Variants in MEOX1 observed in about 807,000 individuals in gnomAD.
MEOX1 encodes the protein homeobox protein MOX-1.
Under a neutral mutation model 23.2 loss-of-function variants are expected in MEOX1, and 17 were observed. The ratio of observed to expected loss-of-function variants is 0.73; its 90% CI spans 0.50 to 1.10. The LOEUF (loss-of-function observed/expected upper bound fraction) is 1.10, where lower values mean the gene tolerates loss of function less well. Among genes scored for constraint, MEOX1 ranks in the 50% least tolerant of loss-of-function variants. The pLI, the probability that MEOX1 is intolerant of heterozygous loss-of-function variation, is 0.00. For synonymous variants in MEOX1, 134 were observed against 135.1 expected (o/e 0.99, Z 0.06); for missense variants, 333 against 332.2 (o/e 1.00, Z -0.02).
At chr17:43,646,609 G>A (rs898921818) in intron 1 of MEOX1, among the ~76,000 whole-genome samples, 1 of 86,764 alleles carries the variant, frequency 1.2e-5, no homozygotes, top group Non-Finnish European at 2.5e-5. Context: ...TCAAGAAATT[G>A]AGGAAATTTC....
At chr17:43,651,254 G>C (rs551755526) in intron 1 of MEOX1, among the ~76,000 whole-genome samples, 1 of 152,210 alleles carries the variant, frequency 6.6e-6, no homozygotes, top group Non-Finnish European at 1.5e-5. Flanking sequence ...GGGAGGCCGA[G>C]CTTGCAGGAA....
At chr17:43,647,147 C>T (rs1425314602) in intron 1 of MEOX1, among the ~76,000 whole-genome samples, 1 of 152,170 alleles carries the variant, frequency 6.6e-6, no homozygotes, top group Non-Finnish European at 1.5e-5. Flanking sequence ...ACACAGCGGC[C>T]TATGAGTGGA....
At chr17:43,659,616 C>T (rs1973103070) in intron 1 of MEOX1, among the ~76,000 whole-genome samples, 1 of 152,190 alleles carries the variant, frequency 6.6e-6, no homozygotes, top group Admixed American at 6.5e-5. Flanking sequence ...AGTGCTAAAA[C>T]TGGAAAAGTC....
Position 43,641,745 on chromosome 17 carries a change from A to C in MEOX1, c.*165T>G. The C allele has an allele frequency of 1.4e-6, 1 of 692,316 alleles. No individual in the cohort carries two copies. The highest frequency in any genetic ancestry group is 2.3e-6 in the Non-Finnish European group (1 of 427,812). 42.9% of individuals were successfully genotyped at this position (692,316 alleles called of 1,614,324 possible). ...AGAGGCTGGACAGAACTTCCTAGAA[A>C]ATCCTAAGACTCCCAGGAATGCTGG... On this transcript the variant is annotated 3_prime_UTR_variant, in exon 3 of 3. Coordinates refer to ENST00000318579, the MANE Select transcript of MEOX1 (RefSeq NM_004527.4).
At chr17:43,650,361 C>T (rs1332056390) in intron 1 of MEOX1, among the ~76,000 whole-genome samples, 1 of 152,170 alleles carries the variant, frequency 6.6e-6, no homozygotes, top group Non-Finnish European at 1.5e-5. Flanking sequence ...TTAGGAAGCT[C>T]TTTCCACCCT....
intron 1 of MEOX1, 133 bp downstream of exon 1, chr17:43,660,933 A>T: frequency 3.8e-6 from 2 of 528,188 alleles, no homozygotes; most frequent in Non-Finnish European, 6.5e-6. Context: ...CCCCAAAGGT[A>T]ACTGGTCCAG....
intron 1 of MEOX1, among the ~76,000 whole-genome samples, chr17:43,657,075 TTTC>T (rs1422935327): frequency 7.8e-6 from 1 of 128,154 alleles, no homozygotes; most frequent in African/African-American, 2.7e-5. Context: ...TCCTTCTTTC[TTTC>T]TTTTCTTTCT....
intron 1 of MEOX1, among the ~76,000 whole-genome samples, chr17:43,648,795 C>A (rs546417151): frequency 6.6e-6 from 1 of 152,206 alleles, no homozygotes; most frequent in Non-Finnish European, 1.5e-5. Flanking sequence ...GATCTGAGGT[C>A]TTGCTGTGTG....
In MEOX1 at chr17:43,645,760, C is replaced by T. The variant is rs146525259; in HGVS notation, c.470-2100G>A. On this transcript the variant is annotated intron_variant, in intron 1 of 2. Transcript: ENST00000318579. ...AGGCAGGAACCCCACATTAACCCGG[C>T]GATCCACTTTGGAGCTTTGAGCCTA... 2.1e-3 allele frequency among the ~76,000 whole-genome samples: 327 copies of T among 152,318 alleles called. 1 individual carries two copies. Among genetic ancestry groups the T allele is most frequent in the Middle Eastern group, 6.8e-3 (2 of 294 alleles).
chr17:43,656,565 C>A (rs527479748), intron 1 of MEOX1, among the ~76,000 whole-genome samples: 2 of 152,276 alleles, frequency 1.3e-5, no homozygotes, highest in East Asian at 3.9e-4. Context: ...TCTGGGAACA[C>A]ACGTGTTGGA....
intron 1 of MEOX1, among the ~76,000 whole-genome samples, chr17:43,650,003 G>T (rs932883931): frequency 1.3e-5 from 2 of 152,166 alleles, no homozygotes; most frequent in Non-Finnish European, 2.9e-5. Context: ...GCTACAGGGA[G>T]GTTCAGACAG....
chr17:43,661,060 A>G lies in MEOX1; in HGVS notation c.469+6T>C. The G allele has an allele frequency of 6.7e-7, 1 of 1,483,834 alleles. No individual in the cohort carries two copies. The highest frequency in any genetic ancestry group is 2.4e-5 in the East Asian group (1 of 41,822). 91.9% of individuals were successfully genotyped at this position (1,483,834 alleles called of 1,614,324 possible). A position where few individuals can be genotyped will look rare whatever the true frequency, so the allele number is the denominator to read the frequency against. On this transcript the variant is annotated splice_donor_region_variant and intron_variant, in intron 1 of 2. Coordinates refer to ENST00000318579, the MANE Select transcript of MEOX1 (RefSeq NM_004527.4). ...AGGAATGATCAGCTGCTCCTGAGCC[A>G]CCTACCTGAACTCTCCTTTCTCCGC...
intron 1 of MEOX1, among the ~76,000 whole-genome samples, chr17:43,649,561 C>A (rs527470195): frequency 6.6e-6 from 1 of 152,284 alleles, no homozygotes; most frequent in African/African-American, 2.4e-5. Flanking sequence ...CCTGCCTCGG[C>A]CTCCCAAAGT....
intron 1 of MEOX1, among the ~76,000 whole-genome samples, chr17:43,645,472 C>A (rs371144789): frequency 2.0e-5 from 3 of 152,158 alleles, no homozygotes; most frequent in Non-Finnish European, 4.4e-5. Flanking sequence ...CCACTGCGCC[C>A]GGTCCATTTT....
rs141244767 is a variant in MEOX1 at position 43,656,222 on chromosome 17, G to A, written c.469+4844C>T. Among the ~76,000 whole-genome samples the A allele has an allele frequency of 3.6e-3, 542 of 152,254 alleles. 3 individuals carry two copies. The highest frequency in any genetic ancestry group is 0.012 in the African/African-American group (519 of 41,536). ...AGAAGAACAAAAATATTCTTGGAAG[G>A]GGTTGTTTTTGAGCTGGGTGGTTTT... On this transcript the variant is annotated intron_variant, in intron 1 of 2. Transcript: ENST00000318579.
At chr17:43,643,433 G>A in intron 2 of MEOX1, 55 bp downstream of exon 2, 1 of 1,464,680 alleles carries the variant, frequency 6.8e-7, no homozygotes, top group Non-Finnish European at 9.2e-7. Context: ...TGGGAAAGGA[G>A]GGAAGGGAGG....
intron 1 of MEOX1, among the ~76,000 whole-genome samples, chr17:43,659,032 G>T (rs1973092314): frequency 6.6e-6 from 1 of 152,240 alleles, no homozygotes; most frequent in Non-Finnish European, 1.5e-5. Context: ...GTGGCCAGCT[G>T]CTTAGTGTGA....
chr17:43,659,010 C>T (rs1973091935), intron 1 of MEOX1, among the ~76,000 whole-genome samples: 1 of 152,234 alleles, frequency 6.6e-6, no homozygotes, highest in Admixed American at 6.5e-5. Flanking sequence ...GAGGGTGTCC[C>T]TGTACTCCTG....
chr17:43,648,836 A>C (rs1170007540), intron 1 of MEOX1, among the ~76,000 whole-genome samples: 4 of 151,964 alleles, frequency 2.6e-5, no homozygotes, highest in Non-Finnish European at 5.9e-5. Flanking sequence ...CAGCCTTCCC[A>C]CAGCTCAATG....
Sources: gnomAD v4.1 joint callset for allele counts (sites outside exome capture counted in the v4.1 genomes callset) on GRCh38, gnomAD v4.1.1 for gene constraint, MANE v1.5 for transcripts, NCBI Gene and HGNC (gene_info 2026-07-23, HGNC 2026-07-21) for gene names.